SLIT3: variants seen among roughly 807,000 people sequenced by gnomAD.
SLIT3 encodes the protein slit homolog 3 protein.
A neutral mutation model predicts 184.0 loss-of-function variants in SLIT3; 68 were observed. The ratio of observed to expected loss-of-function variants is 0.37; its 90% CI spans 0.30 to 0.45. The LOEUF (loss-of-function observed/expected upper bound fraction) is 0.45, where lower values mean the gene tolerates loss of function less well. Ranked by LOEUF, SLIT3 falls within the 20% of genes least tolerant of loss-of-function variation. The probability of loss-of-function intolerance (pLI) is 1.00; values close to 1 mark genes in which losing one functional copy is unlikely to be tolerated. For missense variants in SLIT3, 1,707 were observed against 2,026.0 expected (o/e 0.84, Z 3.02); for synonymous variants, 831 against 828.6 (o/e 1.00, Z -0.05).
chr5:169,064,766 A>G (rs540526372), intron 4 of SLIT3, among the ~76,000 whole-genome samples: 97 of 152,324 alleles, frequency 6.4e-4, no homozygotes, highest in African/African-American at 2.2e-3. Flanking sequence ...TAGGAGCACT[A>G]TGTTCTAGGG....
Position 168,666,663 on chromosome 5 carries a change from G to T in SLIT3, c.4363C>A (p.Arg1455=). ...CCTTTCTGGCGGCGGATCACCTCTCGGACTACTTGTCCCAGGCACGGATTC... is the reference window on the plus strand; with the variant it reads ...CCTTTCTGGCGGCGGATCACCTCTCTGACTACTTGTCCCAGGCACGGATTC... The part of the protein sequence containing the change: ...QENPCLGQVV[R]EVIRRQKGYA... The change falls in exon 36 of 36, where the codon CGA becomes AGA. Residue 1455 remains arginine (R), a synonymous_variant. Transcript: ENST00000519560. 6.2e-7 allele frequency: 1 copy of T among 1,614,100 alleles called. No homozygotes were observed. The highest frequency in any genetic ancestry group is 1.1e-5 in the South Asian group (1 of 91,068).
At chr5:169,206,267 A>G (rs1161462285) in intron 3 of SLIT3, among the ~76,000 whole-genome samples, 2 of 152,184 alleles carry the variant, frequency 1.3e-5, no homozygotes, top group African/African-American at 4.8e-5. Flanking sequence ...AGAGAAAAAT[A>G]CTTCAGGCAG....
At chr5:169,275,127 G>C (rs184655111) in intron 1 of SLIT3, among the ~76,000 whole-genome samples, 1 of 152,288 alleles carries the variant, frequency 6.6e-6, no homozygotes, top group Admixed American at 6.5e-5. Context: ...TGGTTGTTAC[G>C]TGCCTTCATA....
intron 4 of SLIT3, among the ~76,000 whole-genome samples, chr5:169,052,278 C>G (rs185919182): frequency 3.0e-3 from 460 of 152,248 alleles, no homozygotes; most frequent in Non-Finnish European, 5.2e-3. Flanking sequence ...GCCAGATGTT[C>G]TCACAAAACA....
chr5:168,762,332 T>G (rs1755185225), intron 15 of SLIT3, among the ~76,000 whole-genome samples: 1 of 152,046 alleles, frequency 6.6e-6, no homozygotes, highest in South Asian at 2.1e-4. Context: ...ATGTGTAGAA[T>G]GAAGGAATGA....
chr5:169,009,758 G>C (rs1237188925), intron 4 of SLIT3, among the ~76,000 whole-genome samples: 1 of 152,128 alleles, frequency 6.6e-6, no homozygotes, highest in Non-Finnish European at 1.5e-5. Flanking sequence ...ATCCCTCCCA[G>C]AATTATAAAT....
At chr5:169,100,356 C>G (rs1181809116) in intron 4 of SLIT3, among the ~76,000 whole-genome samples, 1 of 152,106 alleles carries the variant, frequency 6.6e-6, no homozygotes, top group African/African-American at 2.4e-5. Context: ...GAACTGGGGT[C>G]AAGTCCTTCA....
intron 2 of SLIT3, among the ~76,000 whole-genome samples, chr5:169,250,146 A>G (rs1765723548): frequency 6.6e-6 from 1 of 152,198 alleles, no homozygotes; most frequent in Admixed American, 6.5e-5. Context: ...AGTTGGGTCT[A>G]CTTAACCTAT....
At chr5:168,902,356 T>C (rs985514313) in intron 4 of SLIT3, among the ~76,000 whole-genome samples, 1 of 152,202 alleles carries the variant, frequency 6.6e-6, no homozygotes, top group Non-Finnish European at 1.5e-5. Flanking sequence ...AAGATAGACG[T>C]AAGAAAACAA....
intron 4 of SLIT3, among the ~76,000 whole-genome samples, chr5:169,079,308 T>C (rs1269191362): frequency 6.6e-6 from 1 of 152,104 alleles, no homozygotes; most frequent in Non-Finnish European, 1.5e-5. Context: ...CTCTCTTTTG[T>C]TTTCAGATCT....
At chr5:169,088,956 G>A (rs1759445898) in intron 4 of SLIT3, among the ~76,000 whole-genome samples, 2 of 141,184 alleles carry the variant, frequency 1.4e-5, no homozygotes, top group South Asian at 4.6e-4. Flanking sequence ...GGAGGCAGAG[G>A]TTGCAGTGAG....
intron 23 of SLIT3, 97 bp downstream of exon 23, chr5:168,722,159 G>A: frequency 1.9e-6 from 2 of 1,069,120 alleles, no homozygotes; most frequent in Non-Finnish European, 2.8e-6. Flanking sequence ...GGGGTGGAGT[G>A]GGCTTTGGGC....
At chr5:168,729,104 G>T (rs1249187513) in intron 20 of SLIT3, among the ~76,000 whole-genome samples, 1 of 151,880 alleles carries the variant, frequency 6.6e-6, no homozygotes, top group East Asian at 1.9e-4. Context: ...AAGGAAAAAA[G>T]AATAAAAAGA....
chr5:168,831,670 C>T (rs1004662173), intron 6 of SLIT3, among the ~76,000 whole-genome samples: 5 of 152,056 alleles, frequency 3.3e-5, no homozygotes, highest in Admixed American at 1.3e-4. Flanking sequence ...ACCGGGTGAG[C>T]GTTATTTTTA....
chr5:169,078,024 G>A (rs575450701), intron 4 of SLIT3, among the ~76,000 whole-genome samples: 1 of 152,236 alleles, frequency 6.6e-6, no homozygotes, highest in East Asian at 1.9e-4. Context: ...GCTTGAGTCT[G>A]TGCATTGGAG....
At chr5:168,813,232 C>T (rs1757222021) in intron 8 of SLIT3, among the ~76,000 whole-genome samples, 1 of 151,008 alleles carries the variant, frequency 6.6e-6, no homozygotes, top group African/African-American at 2.4e-5. Context: ...GAAACCCTTC[C>T]AGATTAAGGT....
intron 4 of SLIT3, among the ~76,000 whole-genome samples, chr5:169,172,940 G>A (rs945977978): frequency 1.3e-5 from 2 of 152,144 alleles, no homozygotes; most frequent in African/African-American, 4.8e-5. Context: ...GACCAGCATA[G>A]TCAGGGAGGG....
rs181529963 is a variant in SLIT3 at position 169,089,771 on chromosome 5, T to C, written c.413+103708A>G. Reference sequence around the variant, plus strand: ...ACTATTGCATTTCCCCTTCACACACTTGCCAGTGTTTGTAACCATAGATTA... The same window carrying C: ...ACTATTGCATTTCCCCTTCACACACCTGCCAGTGTTTGTAACCATAGATTA... On this transcript the variant is annotated intron_variant, in intron 4 of 35. Coordinates refer to ENST00000519560, the MANE Select transcript of SLIT3 (RefSeq NM_003062.4). Among the ~76,000 whole-genome samples the C allele has an allele frequency of 2.2e-4, 34 of 152,334 alleles. No individual in the cohort carries two copies. In the East Asian group the frequency reaches 5.8e-3, roughly 26 times the overall value.
intron 4 of SLIT3, among the ~76,000 whole-genome samples, chr5:169,103,414 G>A (rs543079619): frequency 2.0e-5 from 3 of 152,320 alleles, no homozygotes; most frequent in African/African-American, 7.2e-5. Flanking sequence ...GTGATCCTCA[G>A]AGTCTGAGAA....
Sources: gnomAD v4.1 joint callset for allele counts (sites outside exome capture counted in the v4.1 genomes callset) on GRCh38, gnomAD v4.1.1 for gene constraint, MANE v1.5 for transcripts, NCBI Gene and HGNC (gene_info 2026-07-23, HGNC 2026-07-21) for gene names.